Variants in TMC1 observed in about 807,000 individuals in gnomAD.
The protein encoded by TMC1 is transmembrane channel like 1.
TMC1 carries 84 observed loss-of-function variants against 105.8 expected under a neutral mutation model. The ratio of observed to expected loss-of-function variants is 0.79; its 90% confidence interval spans 0.67 to 0.95. TMC1 has a LOEUF of 0.95. Among genes scored for constraint, TMC1 ranks in the 40% least tolerant of loss-of-function variants. The pLI, the probability that TMC1 is intolerant of heterozygous loss-of-function variation, is 0.00. For synonymous variants in TMC1, 315 were observed against 311.5 expected (o/e 1.01, Z -0.12); for missense variants, 817 against 914.1 (o/e 0.89, Z 1.37).
chr9:72,589,973 T>C (rs1159432209), intron 2 of TMC1, among the ~76,000 whole-genome samples: 1 of 152,206 alleles, frequency 6.6e-6, no homozygotes, highest in African/African-American at 2.4e-5. Context: ...GTGTTTGGGC[T>C]GAGGGAGAAG....
intron 1 of TMC1, among the ~76,000 whole-genome samples, chr9:72,528,483 C>T (rs997889332): frequency 6.6e-6 from 1 of 151,938 alleles, no homozygotes; most frequent in African/African-American, 2.4e-5. Flanking sequence ...TATAGGCATG[C>T]GCCACCATGC....
rs116252329 is a variant in TMC1, at chr9:72,775,668, G to A, written c.884+3113G>A. On this transcript the variant is annotated intron_variant, in intron 13 of 23. Coordinates refer to ENST00000297784, the MANE Select transcript of TMC1 (RefSeq NM_138691.3). ...TTTGTAGGATGTTTTAGTCCATTTC[G>A]TGTTGCTATAAAGGAATACCTGAGG... is the stretch of plus-strand genomic sequence containing the variant. Among the ~76,000 whole-genome samples, 654 of 152,122 alleles carry A rather than the reference G, an allele frequency of 4.3e-3. 3 individuals are homozygous for A. The highest frequency in any genetic ancestry group is 0.015 in the African/African-American group (620 of 41,490).
chr9:72,677,129 T>TAC (rs71495332), intron 5 of TMC1, among the ~76,000 whole-genome samples: 5,532 of 145,160 alleles, frequency 0.038, 112 homozygotes, highest in Middle Eastern at 0.094. Context: ...GAACAGAAAT[T>TAC]ACACACACAC....
intron 2 of TMC1, among the ~76,000 whole-genome samples, chr9:72,607,010 G>T (rs1218043134): frequency 6.6e-6 from 1 of 151,164 alleles, no homozygotes; most frequent in African/African-American, 2.4e-5. Flanking sequence ...TATAGAGAGA[G>T]AGAGAGAGAG....
At position 72,792,214 on chromosome 9, in the gene TMC1, G is replaced by T; in HGVS notation, c.1428G>T (p.Lys476Asn). 1 of 1,614,054 alleles carries T rather than the reference G, an allele frequency of 6.2e-7. No homozygotes were observed. ...AGATTGAAGAGGAGAAGCTAGTAAA[G>T]GCCAATATTACCCTTTGGGAAGCCA... Reference protein sequence around the residue: ...NNKIEEEKLVKANITLWEANM... With the variant: ...NNKIEEEKLVNANITLWEANM... The change falls in exon 17 of 24, where the codon AAG becomes AAT. Residue 476 changes from lysine to asparagine, a missense_variant. By Grantham distance (94) the Lys-to-Asn change is moderately conservative. Transcript: ENST00000297784.
intron 2 of TMC1, among the ~76,000 whole-genome samples, chr9:72,598,280 C>G (rs1421601006): frequency 6.6e-6 from 1 of 152,166 alleles, no homozygotes. Flanking sequence ...CTCCGACAAC[C>G]CATCGACTTG....
chr9:72,651,090 G>GAT (rs1307204042), intron 5 of TMC1: 2 of 145,656 alleles, frequency 1.4e-5, no homozygotes, highest in South Asian at 2.1e-4. Context: ...AAAATATATA[G>GAT]ATATATATAT....
At chr9:72,738,405 C>T (rs1018907757) in intron 8 of TMC1, among the ~76,000 whole-genome samples, 6 of 150,800 alleles carry the variant, frequency 4.0e-5, no homozygotes, top group Non-Finnish European at 7.4e-5. Context: ...GAAAAAATTC[C>T]CCACTGACCC....
intron 1 of TMC1, among the ~76,000 whole-genome samples, chr9:72,542,045 C>T (rs1587946481): frequency 6.6e-6 from 1 of 152,082 alleles, no homozygotes; most frequent in Non-Finnish European, 1.5e-5. Flanking sequence ...CCTAAGAGGC[C>T]GGGCGTGGTG....
intron 8 of TMC1, among the ~76,000 whole-genome samples, chr9:72,708,764 C>T (rs1043052457): frequency 1.9e-4 from 29 of 152,032 alleles, no homozygotes; most frequent in African/African-American, 6.0e-4. Flanking sequence ...ATTTCTTTCT[C>T]GTGTCTGATT....
chr9:72,807,991 C>T (rs1828633056), intron 18 of TMC1, among the ~76,000 whole-genome samples: 1 of 152,206 alleles, frequency 6.6e-6, no homozygotes, highest in Non-Finnish European at 1.5e-5. Flanking sequence ...CTGTGATTAG[C>T]ACATTGCCTG....
At chr9:72,792,712 A>C (rs2118195588) in intron 17 of TMC1, among the ~76,000 whole-genome samples, 1 of 151,026 alleles carries the variant, frequency 6.6e-6, no homozygotes, top group South Asian at 2.1e-4. Context: ...TTGCTGTAAA[A>C]CAAAACAAAA....
intron 9 of TMC1, among the ~76,000 whole-genome samples, chr9:72,740,993 G>A (rs1827379604): frequency 6.6e-6 from 1 of 152,030 alleles, no homozygotes; most frequent in Non-Finnish European, 1.5e-5. Context: ...CGTTGTTGTG[G>A]GAGTTATACT....
chr9:72,670,640 G>T (rs1826114427), intron 5 of TMC1, among the ~76,000 whole-genome samples: 1 of 152,058 alleles, frequency 6.6e-6, no homozygotes, highest in East Asian at 1.9e-4. Flanking sequence ...AATTATAACT[G>T]CCAACTCTAG....
chr9:72,820,980 C>A lies in TMC1; in HGVS notation c.1902C>A (p.Asn634Lys). Residue 634 changes from asparagine (N) to lysine (K), a missense_variant, in exon 20 of 24, where the codon AAC becomes AAA. Asn to Lys is a moderately conservative substitution (Grantham distance 94). Coordinates refer to ENST00000297784, the MANE Select transcript of TMC1 (RefSeq NM_138691.3). ...TCTTCAAAGCTTCCAGATCAAATAA[C>A]TTCTACCTGGGCATGCTACTGCTCA... is the stretch of plus-strand genomic sequence containing the variant. ...ARVFKASRSN[N>K]FYLGMLLLIL... 6.2e-7 allele frequency: 1 copy of A among 1,614,144 alleles called. No individual in the cohort carries two copies. Among genetic ancestry groups the A allele is most frequent in the Admixed American group, 1.7e-5 (1 of 60,008 alleles).
At chr9:72,586,111 T>C (rs1433386604) in intron 2 of TMC1, among the ~76,000 whole-genome samples, 1 of 152,226 alleles carries the variant, frequency 6.6e-6, no homozygotes, top group East Asian at 1.9e-4. Context: ...GCTGGCATTT[T>C]ATATGGAAAC....
chr9:72,768,831 A>G lies in TMC1; in HGVS notation c.742-3582A>G, dbSNP rs114815321. 4.2e-3 allele frequency among the ~76,000 whole-genome samples: 638 copies of G among 152,272 alleles called. 5 individuals carry two copies. Among genetic ancestry groups the G allele is most frequent in the African/African-American group, 0.014 (596 of 41,548 alleles). On this transcript the variant is annotated intron_variant, in intron 12 of 23. Transcript: ENST00000297784. ...TATGATATTTTCGGTGTGTCTTTTA[A>G]TCCCAAAATTGTCATTATGAATTAG...
At chr9:72,741,274 G>T in intron 9 of TMC1, 1 of 225,426 alleles carries the variant, frequency 4.4e-6, no homozygotes, top group South Asian at 8.9e-5. Flanking sequence ...TGATGAAGTT[G>T]ACTAATTTTG....
At chr9:72,752,058 C>A in intron 11 of TMC1, 102 bp downstream of exon 11, 1 of 843,378 alleles carries the variant, frequency 1.2e-6, no homozygotes, top group Non-Finnish European at 2.0e-6. Context: ...GCTATTTTCA[C>A]GTCTTAGAGT....
Sources: gnomAD v4.1 joint callset for allele counts (sites outside exome capture counted in the v4.1 genomes callset) on GRCh38, gnomAD v4.1.1 for gene constraint, MANE v1.5 for transcripts, NCBI Gene and HGNC (gene_info 2026-07-23, HGNC 2026-07-21) for gene names.